The following ZNF804B variants were observed in gnomAD, a reference collection of about 807,000 sequenced individuals.
ZNF804B encodes the protein zinc finger 804B.
A neutral mutation model predicts 101.4 loss-of-function variants in ZNF804B; 80 were observed. The observed-to-expected ratio is 0.79, with a 90% CI of 0.66 to 0.95. The LOEUF (loss-of-function observed/expected upper bound fraction) is 0.95, where lower values mean the gene tolerates loss of function less well. Ranked by LOEUF, ZNF804B falls within the 40% of genes least tolerant of loss-of-function variation. ZNF804B has a pLI of 0.00. For synonymous variants in ZNF804B, 622 were observed against 558.8 expected (o/e 1.11, Z -1.59); for missense variants, 1,673 against 1,561.9 (o/e 1.07, Z -1.20).
intron 1 of ZNF804B, among the ~76,000 whole-genome samples, chr7:88,779,453 A>G (rs1171461533): frequency 2.0e-5 from 3 of 152,144 alleles, no homozygotes; most frequent in Non-Finnish European, 4.4e-5. Flanking sequence ...TTCTCTGTGA[A>G]GCTTCCATGG....
At chr7:88,942,042 C>T (rs1461014401) in intron 1 of ZNF804B, among the ~76,000 whole-genome samples, 1 of 151,872 alleles carries the variant, frequency 6.6e-6, no homozygotes, top group African/African-American at 2.4e-5. Flanking sequence ...TTCTCTGAAA[C>T]AGAAATTCAG....
intron 1 of ZNF804B, among the ~76,000 whole-genome samples, chr7:88,950,429 C>T (rs747437901): frequency 1.3e-5 from 2 of 151,802 alleles, no homozygotes; most frequent in Non-Finnish European, 2.9e-5. Context: ...TAATTATTTA[C>T]TATCTCATTC....
chr7:88,919,433 A>C (rs1021804502), intron 1 of ZNF804B, among the ~76,000 whole-genome samples: 4 of 152,128 alleles, frequency 2.6e-5, no homozygotes, highest in Non-Finnish European at 5.9e-5. Context: ...ATGATAAAGG[A>C]GCCTATACAT....
At chr7:89,174,342 T>A (rs756652623) in intron 1 of ZNF804B, among the ~76,000 whole-genome samples, 3 of 152,100 alleles carry the variant, frequency 2.0e-5, no homozygotes, top group Non-Finnish European at 4.4e-5. Context: ...AGTGAGAGCA[T>A]GCAAAATTTG....
intron 1 of ZNF804B, among the ~76,000 whole-genome samples, chr7:89,205,683 A>C (rs1217839401): frequency 1.3e-5 from 2 of 152,120 alleles, no homozygotes; most frequent in Non-Finnish European, 2.9e-5. Context: ...GTGACTTTGC[A>C]GGGTACATTC....
intron 1 of ZNF804B, among the ~76,000 whole-genome samples, chr7:89,177,249 T>C (rs146500929): frequency 2.6e-5 from 4 of 152,354 alleles, no homozygotes; most frequent in East Asian, 3.9e-4. Context: ...TAAGCACTTA[T>C]AGCTAAAACA....
chr7:88,950,866 A>G (rs760539208), intron 1 of ZNF804B, among the ~76,000 whole-genome samples: 6 of 151,870 alleles, frequency 4.0e-5, no homozygotes, highest in Admixed American at 6.6e-5. Context: ...AGTCCTTTTC[A>G]GATATACAGA....
Position 89,086,925 on chromosome 7 carries a change from T to G in ZNF804B, c.109-131230T>G, listed in dbSNP as rs529380474. 2.0e-5 allele frequency among the ~76,000 whole-genome samples: 3 copies of G among 151,986 alleles called. No homozygotes were observed. In the East Asian group the frequency reaches 5.8e-4, roughly 29 times the overall value. The stretch of plus-strand genomic sequence containing the variant: ...GCAGCACACCAACATGGCACATGTA[T>G]ACATATGTAACAAACCTGCACGTTG... On this transcript the variant is annotated intron_variant, in intron 1 of 3. Transcript: ENST00000333190.
intron 1 of ZNF804B, among the ~76,000 whole-genome samples, chr7:89,208,883 G>A (rs985104055): frequency 6.6e-6 from 1 of 152,090 alleles, no homozygotes; most frequent in Non-Finnish European, 1.5e-5. Flanking sequence ...GAGCTGGCAG[G>A]CCCGTGTAGT....
intron 1 of ZNF804B, among the ~76,000 whole-genome samples, chr7:88,890,880 T>A (rs909365314): frequency 1.3e-5 from 2 of 152,188 alleles, no homozygotes; most frequent in Admixed American, 1.3e-4. Flanking sequence ...ATCATGCATA[T>A]GTTAGATTTA....
intron 1 of ZNF804B, among the ~76,000 whole-genome samples, chr7:88,932,408 A>G (rs1792900481): frequency 6.6e-6 from 1 of 151,966 alleles, no homozygotes; most frequent in African/African-American, 2.4e-5. Context: ...TCAGAGCAAA[A>G]ATAAATGAAA....
intron 1 of ZNF804B, among the ~76,000 whole-genome samples, chr7:88,985,492 G>A (rs1261330703): frequency 1.3e-5 from 2 of 151,768 alleles, no homozygotes; most frequent in East Asian, 1.9e-4. Context: ...AGGGTGTGAA[G>A]GGCGATGGGA....
At chr7:89,297,407 C>T (rs981636563) in intron 2 of ZNF804B, among the ~76,000 whole-genome samples, 3 of 151,982 alleles carry the variant, frequency 2.0e-5, no homozygotes, top group African/African-American at 7.2e-5. Flanking sequence ...AAGTTATTCT[C>T]CAAAAATGAA....
intron 3 of ZNF804B, 78 bp downstream of exon 3, chr7:89,327,552 AC>A (rs1299742522): frequency 3.9e-6 from 6 of 1,536,676 alleles, no homozygotes; most frequent in African/African-American, 1.4e-5. Flanking sequence ...ATCTACTGTA[AC>A]AATGTAAACA....
At chr7:89,106,411 G>A (rs1790137079) in intron 1 of ZNF804B, among the ~76,000 whole-genome samples, 1 of 152,084 alleles carries the variant, frequency 6.6e-6, no homozygotes, top group Non-Finnish European at 1.5e-5. Context: ...CTAGTATTAT[G>A]TGCTAGATCC....
intron 1 of ZNF804B, among the ~76,000 whole-genome samples, chr7:89,113,754 C>A (rs1013928259): frequency 6.6e-6 from 1 of 151,978 alleles, no homozygotes; most frequent in African/African-American, 2.4e-5. Context: ...AGATTGAGAC[C>A]ATCCTGGCCA....
At chr7:88,989,931 C>T (rs1439584792) in intron 1 of ZNF804B, among the ~76,000 whole-genome samples, 1 of 151,914 alleles carries the variant, frequency 6.6e-6, no homozygotes, top group African/African-American at 2.4e-5. Flanking sequence ...ACACACCTAC[C>T]TACCTATTAT....
chr7:88,852,781 A>C (rs1236778057), intron 1 of ZNF804B, among the ~76,000 whole-genome samples: 2 of 152,136 alleles, frequency 1.3e-5, no homozygotes, highest in African/African-American at 4.8e-5. Flanking sequence ...AGTAACTGCA[A>C]ATTCACACAT....
At chr7:88,781,909 CAG>C (rs1409718934) in intron 1 of ZNF804B, among the ~76,000 whole-genome samples, 20 of 152,128 alleles carry the variant, frequency 1.3e-4, no homozygotes, top group Admixed American at 1.3e-4. Flanking sequence ...TGAGAGGACT[CAG>C]GGGTAGAAAA....
Sources: gnomAD v4.1 joint callset for allele counts (sites outside exome capture counted in the v4.1 genomes callset) on GRCh38, gnomAD v4.1.1 for gene constraint, MANE v1.5 for transcripts, NCBI Gene and HGNC (gene_info 2026-07-23, HGNC 2026-07-21) for gene names.